Variants in NOL4 observed in about 807,000 individuals in gnomAD.
The protein encoded by NOL4 is cancer/testis antigen 125.
Under a neutral mutation model 75.9 loss-of-function variants are expected in NOL4, and 17 were observed. The ratio of observed to expected loss-of-function variants is 0.22; its 90% CI spans 0.15 to 0.34. The LOEUF is 0.34. NOL4 is among the 10% of genes least tolerant of loss of function. The probability of loss-of-function intolerance (pLI) is 1.00; values close to 1 mark genes in which losing one functional copy is unlikely to be tolerated. For missense variants in NOL4, 614 were observed against 793.5 expected (o/e 0.77, Z 2.72); for synonymous variants, 292 against 289.9 (o/e 1.01, Z -0.07).
intron 5 of NOL4, among the ~76,000 whole-genome samples, chr18:34,045,001 T>C (rs1354142998): frequency 6.6e-6 from 1 of 152,182 alleles, no homozygotes; most frequent in Admixed American, 6.6e-5. Context: ...ATCTTGAACA[T>C]TAGTATTTTT....
At chr18:34,120,792 C>G (rs566462609) in intron 2 of NOL4, among the ~76,000 whole-genome samples, 1 of 152,236 alleles carries the variant, frequency 6.6e-6, no homozygotes, top group African/African-American at 2.4e-5. Context: ...CAAAGCATTT[C>G]ACCATATGAT....
rs369392442 is a variant in NOL4, at chr18:33,962,809, C to T, written c.1057-4391G>A. 9.8e-4 allele frequency among the ~76,000 whole-genome samples: 149 copies of T among 152,124 alleles called. 1 individual carries two copies. The South Asian group carries it at 0.028, about 29-fold the overall frequency. On this transcript the variant is annotated intron_variant, in intron 6 of 10. Coordinates refer to ENST00000261592, the MANE Select transcript of NOL4 (RefSeq NM_003787.5). ...ATGTTACAATATGGTTATTTGAATG[C>T]AAATATTCTGGGCTAATTCATTCAA... is the stretch of plus-strand genomic sequence containing the variant.
chr18:33,988,204 C>T lies in NOL4; in HGVS notation c.1057-29786G>A, dbSNP rs114977452. Among the ~76,000 whole-genome samples, 1,197 of 152,098 alleles carry T rather than the reference C, an allele frequency of 7.9e-3. 11 individuals are homozygous for T. The highest frequency in any genetic ancestry group is 0.027 in the African/African-American group (1,103 of 41,506). ...GCAAGGTGTAATTGACTCTACACTT[C>T]GGAGGAAATTAAACCCTTAGCCAGA... is the stretch of plus-strand genomic sequence containing the variant. On this transcript the variant is annotated intron_variant, in intron 6 of 10. Transcript: ENST00000261592.
chr18:34,024,253 C>T (rs76873602), intron 5 of NOL4, among the ~76,000 whole-genome samples: 3,082 of 136,990 alleles, frequency 0.022, 66 homozygotes, highest in Non-Finnish European at 0.028. Flanking sequence ...GAAATTTAGT[C>T]CCAAAATTCA....
At chr18:34,093,410 T>C (rs1485841889) in intron 5 of NOL4, 55 bp downstream of exon 5, 9 of 1,503,980 alleles carry the variant, frequency 6.0e-6, no homozygotes, top group Non-Finnish European at 8.0e-6. Flanking sequence ...TTCCATGCAT[T>C]CTGACTCATT....
intron 2 of NOL4, among the ~76,000 whole-genome samples, chr18:34,112,343 T>C (rs935984174): frequency 7.9e-5 from 12 of 151,666 alleles, no homozygotes; most frequent in African/African-American, 2.9e-4. Flanking sequence ...CACTCTAGCC[T>C]GGGTGACAGA....
chr18:34,195,028 CAA>C (rs35925381), intron 1 of NOL4, among the ~76,000 whole-genome samples: 4 of 131,888 alleles, frequency 3.0e-5, no homozygotes, highest in African/African-American at 5.6e-5. Flanking sequence ...AACTCCGTCT[CAA>C]AAAAAAAAAA....
At chr18:33,862,594 T>A (rs1249789176) in intron 10 of NOL4, among the ~76,000 whole-genome samples, 1 of 151,878 alleles carries the variant, frequency 6.6e-6, no homozygotes. Flanking sequence ...AAGAGCCCCA[T>A]CAAAAAGTGG....
At chr18:34,164,580 G>A (rs1449263824) in intron 1 of NOL4, among the ~76,000 whole-genome samples, 2 of 152,092 alleles carry the variant, frequency 1.3e-5, no homozygotes, top group Admixed American at 6.6e-5. Flanking sequence ...TCATTAAAAA[G>A]TCAGGAAACA....
intron 5 of NOL4, among the ~76,000 whole-genome samples, chr18:34,045,855 G>A (rs2076339209): frequency 6.6e-6 from 1 of 152,130 alleles, no homozygotes; most frequent in South Asian, 2.1e-4. Context: ...TACAAAACGT[G>A]TTCATATTAT....
intron 1 of NOL4, among the ~76,000 whole-genome samples, chr18:34,146,028 A>C (rs922550835): frequency 6.6e-6 from 1 of 152,096 alleles, no homozygotes; most frequent in African/African-American, 2.4e-5. Flanking sequence ...CCCCATGCGA[A>C]AAGAAGACTA....
At chr18:34,171,933 C>T (rs2033082034) in intron 1 of NOL4, among the ~76,000 whole-genome samples, 1 of 152,114 alleles carries the variant, frequency 6.6e-6, no homozygotes, top group Non-Finnish European at 1.5e-5. Context: ...ACATTACTAA[C>T]TGGTGAACCA....
chr18:33,878,979 C>A (rs535637563), intron 10 of NOL4, among the ~76,000 whole-genome samples: 2 of 152,224 alleles, frequency 1.3e-5, no homozygotes, highest in African/African-American at 4.8e-5. Context: ...AAGGTTTAAT[C>A]ACTGGCTTCA....
intron 9 of NOL4, among the ~76,000 whole-genome samples, chr18:33,926,830 C>G (rs1230113817): frequency 6.6e-6 from 1 of 152,164 alleles, no homozygotes; most frequent in African/African-American, 2.4e-5. Flanking sequence ...AATCTCTTGA[C>G]CTCGTGGTCC....
chr18:34,068,423 CAG>C (rs1187974972), intron 5 of NOL4, among the ~76,000 whole-genome samples: 5 of 151,702 alleles, frequency 3.3e-5, no homozygotes, highest in African/African-American at 7.3e-5. Context: ...TTTTTTGAGA[CAG>C]AGTCTCACTC....
At chr18:33,887,270 A>G (rs1224927521) in intron 9 of NOL4, among the ~76,000 whole-genome samples, 1 of 150,922 alleles carries the variant, frequency 6.6e-6, no homozygotes, top group Non-Finnish European at 1.5e-5. Context: ...GAATAGCATA[A>G]TCCTAAATGA....
rs1448530608 is a variant in NOL4 at position 33,934,890 on chromosome 18, G to A, written c.1542+8175C>T. ...TTTTTTTTTTTTTTTTTTGATACAG[G>A]GTCTCACTCTGTTGCCTGGAGGCGG... On this transcript the variant is annotated intron_variant, in intron 9 of 10. Transcript: ENST00000261592. Among the ~76,000 whole-genome samples, 6 of 146,538 alleles carry A rather than the reference G, an allele frequency of 4.1e-5. No individual in the cohort carries two copies. The East Asian group carries it at 1.2e-3, about 29-fold the overall frequency.
chr18:34,170,995 C>T (rs2146263517), intron 1 of NOL4, among the ~76,000 whole-genome samples: 1 of 152,272 alleles, frequency 6.6e-6, no homozygotes, highest in Non-Finnish European at 1.5e-5. Flanking sequence ...CATTGATCAG[C>T]ATTTTTAGCA....
intron 6 of NOL4, among the ~76,000 whole-genome samples, chr18:34,009,288 G>C (rs569216410): frequency 4.6e-5 from 7 of 151,848 alleles, no homozygotes; most frequent in African/African-American, 1.7e-4. Context: ...GATAATAAGT[G>C]TAACTAAAAG....
Sources: allele counts gnomAD v4.1 joint callset (sites outside exome capture counted in the v4.1 genomes callset), GRCh38; gene constraint gnomAD v4.1.1; transcripts MANE v1.5; gene names NCBI Gene and HGNC (gene_info 2026-07-23, HGNC 2026-07-21).